Variants in CAST observed in about 807,000 individuals in gnomAD.
CAST encodes the protein calpastatin, also known as MIR583 host.
CAST carries 76 observed loss-of-function variants against 119.6 expected under a neutral mutation model. That is an observed-to-expected ratio of 0.64 (90% CI 0.53 to 0.77). CAST has a LOEUF of 0.77. CAST is among the 30% of genes least tolerant of loss of function. The pLI is 0.00. For missense variants in CAST, 953 were observed against 946.5 expected, an observed-to-expected ratio of 1.01 and a Z score of -0.09; for synonymous variants, 319 against 331.6, an observed-to-expected ratio of 0.96 and a Z score of 0.41.
chr5:96,110,204 G>C, the CAST span, among the ~76,000 whole-genome samples: 53 of 152,110 alleles, frequency 3.5e-4, no homozygotes, highest in African/African-American at 1.2e-3. Context: ...AATTACAGTG[G>C]GGGTGGCTGG....
chr5:96,734,302 C>G (rs1048539525), intron 9 of CAST, among the ~76,000 whole-genome samples: 2 of 152,114 alleles, frequency 1.3e-5, no homozygotes, highest in Non-Finnish European at 2.9e-5. Context: ...AGCGGGTAGC[C>G]TTTGAGAACC....
At chr5:96,560,482 T>C in intron 1 of CAST, among the ~76,000 whole-genome samples, 1 of 152,124 alleles carries the variant, frequency 6.6e-6, no homozygotes, top group East Asian at 1.9e-4. Flanking sequence ...ATATCCAGAA[T>C]CTACAATGAA....
In CAST at chr5:96,730,872, C is replaced by T; in HGVS notation, c.630+12C>T. The T allele has an allele frequency of 6.3e-7, 1 of 1,597,134 alleles. No individual in the cohort carries two copies. Among genetic ancestry groups the T allele is most frequent in the East Asian group, 2.2e-5 (1 of 44,836 alleles). On this transcript the variant is annotated intron_variant, in intron 9 of 31. Coordinates refer to ENST00000675179, the MANE Select transcript of CAST (RefSeq NM_001750.7). Reference sequence around the variant, plus strand: ...AGCCGGGTGACAAGGTGAGCACACACAAGCAGACGGAAACGTGGGCCTCTG... The same window carrying T: ...AGCCGGGTGACAAGGTGAGCACACATAAGCAGACGGAAACGTGGGCCTCTG...
At chr5:96,595,680 C>G (rs1747040468) in intron 1 of CAST, among the ~76,000 whole-genome samples, 2 of 151,944 alleles carry the variant, frequency 1.3e-5, no homozygotes, top group South Asian at 4.2e-4. Flanking sequence ...AAGGAGAAGG[C>G]CACCTAGAGG....
intron 2 of CAST, chr5:96,679,351 A>G (rs528762926): frequency 6.6e-6 from 1 of 152,362 alleles, no homozygotes; most frequent in Non-Finnish European, 1.5e-5. Flanking sequence ...AGTTGCATGG[A>G]CTAACAAGCC....
chr5:96,770,181 C>A (rs1385613153), intron 29 of CAST: 1 of 237,446 alleles, frequency 4.2e-6, no homozygotes, highest in Non-Finnish European at 8.6e-6. Context: ...TACATCCCCA[C>A]TGACAGTGTA....
the CAST span, among the ~76,000 whole-genome samples, chr5:96,313,577 C>A: frequency 8.1e-4 from 124 of 152,236 alleles, no homozygotes; most frequent in African/African-American, 2.9e-3. Flanking sequence ...TGGGTTGTTT[C>A]CAACTTTAAG....
At chr5:96,410,934 C>T in the CAST span, 6 of 1,613,908 alleles carry the variant, frequency 3.7e-6, no homozygotes, top group African/African-American at 1.3e-5. Context: ...ATCTCCCTGA[C>T]GCCCCCCGTT....
chr5:96,111,000 C>T, the CAST span: 9 of 152,264 alleles, frequency 5.9e-5, no homozygotes, highest in African/African-American at 2.2e-4. Flanking sequence ...AATTCTGACA[C>T]CCAAGGTGAG....
the CAST span, among the ~76,000 whole-genome samples, chr5:96,017,108 T>C: frequency 6.6e-6 from 1 of 152,156 alleles, no homozygotes; most frequent in East Asian, 1.9e-4. Context: ...AGTGCTGGGA[T>C]TACAGGCGTG....
At chr5:96,572,869 C>T (rs2150187487) in intron 1 of CAST, among the ~76,000 whole-genome samples, 1 of 152,272 alleles carries the variant, frequency 6.6e-6, no homozygotes, top group African/African-American at 2.4e-5. Flanking sequence ...TGTTGGCAGT[C>T]CTGGGAAGTA....
At chr5:96,250,826 C>G in the CAST span, among the ~76,000 whole-genome samples, 3 of 152,122 alleles carry the variant, frequency 2.0e-5, no homozygotes, top group Non-Finnish European at 4.4e-5. Context: ...ACATCTGTCT[C>G]TGGAAAGTTG....
At chr5:96,613,786 G>A (rs1178682947) in intron 1 of CAST, among the ~76,000 whole-genome samples, 1 of 152,288 alleles carries the variant, frequency 6.6e-6, no homozygotes, top group East Asian at 1.9e-4. Flanking sequence ...CAAATAACCT[G>A]GGACTTCTAT....
At chr5:96,620,669 G>A (rs1291224041) in intron 1 of CAST, among the ~76,000 whole-genome samples, 1 of 152,052 alleles carries the variant, frequency 6.6e-6, no homozygotes, top group Non-Finnish European at 1.5e-5. Context: ...CTCATTGTAA[G>A]TTAAGCAGCA....
the CAST span, among the ~76,000 whole-genome samples, chr5:96,120,896 C>T: frequency 2.6e-5 from 4 of 151,746 alleles, no homozygotes; most frequent in African/African-American, 9.7e-5. Flanking sequence ...ACTTTTTCTC[C>T]AGATAGCCAT....
chr5:96,181,904 A>C, the CAST span, among the ~76,000 whole-genome samples: 1 of 152,218 alleles, frequency 6.6e-6, no homozygotes, highest in African/African-American at 2.4e-5. Flanking sequence ...GATTAGAAGT[A>C]GTGGTTCCAT....
chr5:96,760,350 C>A (rs368179473), intron 24 of CAST, among the ~76,000 whole-genome samples: 1 of 151,870 alleles, frequency 6.6e-6, no homozygotes, highest in Non-Finnish European at 1.5e-5. Flanking sequence ...TGTAAAAGAT[C>A]TATTTAAAAT....
At chr5:96,566,470 C>T (rs546143953) in intron 1 of CAST, among the ~76,000 whole-genome samples, 1 of 152,292 alleles carries the variant, frequency 6.6e-6, no homozygotes, top group South Asian at 2.1e-4. Context: ...AGAAGTGGTT[C>T]TCTCCCTTCT....
At chr5:96,696,461 T>C (rs1003211541) in intron 3 of CAST, among the ~76,000 whole-genome samples, 4 of 152,140 alleles carry the variant, frequency 2.6e-5, no homozygotes, top group Non-Finnish European at 5.9e-5. Context: ...CTGGGTCTTA[T>C]AAACTCCATC....
Sources: gnomAD v4.1 joint callset for allele counts (sites outside exome capture counted in the v4.1 genomes callset) on GRCh38, gnomAD v4.1.1 for gene constraint, MANE v1.5 for transcripts, NCBI Gene and HGNC (gene_info 2026-07-23, HGNC 2026-07-21) for gene names.